The following CSMD3 variants were observed in gnomAD, a reference collection of about 807,000 sequenced individuals.
CSMD3 encodes the protein CUB and Sushi multiple domains 3.
In CSMD3, 177 loss-of-function variants were observed where a neutral mutation model predicts 435.2. That is an observed-to-expected ratio of 0.41 (90% CI 0.36 to 0.46). The LOEUF (loss-of-function observed/expected upper bound fraction) is 0.46. Ranked by LOEUF, CSMD3 falls within the 20% of genes least tolerant of loss-of-function variation. The pLI, the probability that CSMD3 is intolerant of heterozygous loss-of-function variation, is 0.34. For synonymous variants in CSMD3, 1,656 were observed against 1,520.5 expected (o/e 1.09, Z -2.07); for missense variants, 4,265 against 4,504.6 (o/e 0.95, Z 1.52).
intron 1 of CSMD3, among the ~76,000 whole-genome samples, chr8:113,427,615 G>A (rs2094643597): frequency 6.6e-6 from 1 of 151,484 alleles, no homozygotes; most frequent in African/African-American, 2.4e-5. Context: ...CCTCTTTTAT[G>A]TGAAGATACA....
chr8:113,023,223 A>AG (rs1182457948), intron 5 of CSMD3, among the ~76,000 whole-genome samples: 1 of 151,964 alleles, frequency 6.6e-6, no homozygotes, highest in Non-Finnish European at 1.5e-5. Context: ...TTGCTCTGAC[A>AG]TCTACTTTTT....
rs76263987 is a variant in CSMD3, at chr8:113,300,698, G to A, written c.401+13873C>T. 9.0e-3 allele frequency among the ~76,000 whole-genome samples: 1,374 copies of A among 152,106 alleles called. 15 individuals carry two copies. The highest frequency in any genetic ancestry group is 0.032 in the African/African-American group (1,323 of 41,478). ...ACTGGGAACTACTAGATAGGGGAAG[G>A]AGGGTGGGAATATAGGCTGAAAAAC... On this transcript the variant is annotated intron_variant, in intron 2 of 70. Transcript: ENST00000297405.
chr8:112,997,834 A>T (rs1321356271), intron 6 of CSMD3, among the ~76,000 whole-genome samples: 1 of 145,408 alleles, frequency 6.9e-6, no homozygotes. Flanking sequence ...TAATTAAAAT[A>T]TACGTATGTA....
intron 13 of CSMD3, among the ~76,000 whole-genome samples, chr8:112,732,658 C>A (rs1452130871): frequency 6.7e-6 from 1 of 148,272 alleles, no homozygotes; most frequent in Non-Finnish European, 1.5e-5. Context: ...CAAGATCATG[C>A]CACTCCACTC....
chr8:113,292,923 AT>A (rs1221555835), intron 2 of CSMD3, among the ~76,000 whole-genome samples: 19 of 151,742 alleles, frequency 1.3e-4, no homozygotes, highest in Non-Finnish European at 1.2e-4. Flanking sequence ...ATGAAAAAAA[AT>A]TTTGCTAAAT....
chr8:112,332,869 T>C (rs1464492176), intron 45 of CSMD3, among the ~76,000 whole-genome samples: 1 of 152,176 alleles, frequency 6.6e-6, no homozygotes, highest in Non-Finnish European at 1.5e-5. Flanking sequence ...TTATCTCCAA[T>C]TCTCAAAACG....
chr8:112,537,957 A>AT (rs1192072204), intron 27 of CSMD3, among the ~76,000 whole-genome samples: 1 of 152,128 alleles, frequency 6.6e-6, no homozygotes, highest in Non-Finnish European at 1.5e-5. Flanking sequence ...ATACTAGCAA[A>AT]TTGAACACAA....
chr8:113,419,598 T>C (rs1264619872), intron 1 of CSMD3, among the ~76,000 whole-genome samples: 1 of 152,078 alleles, frequency 6.6e-6, no homozygotes, highest in Non-Finnish European at 1.5e-5. Flanking sequence ...GAGTGCAGCT[T>C]TTCCTCATGC....
In CSMD3 at chr8:112,224,873, T is replaced by C; in HGVS notation, c.11022A>G (p.Gln3674=). Residue 3674 remains glutamine (Q), a synonymous_variant, in exon 71 of 71, where the codon CAA becomes CAG. Transcript: ENST00000297405. ...GCSVHENNNG[Q]AAFENPMYDT... ...CATACATGGGATTTTCAAAAGCTGC[T>C]TGGCCATTGTTATTTTCATGAACTG... 1 of 1,614,122 alleles carries C rather than the reference T, an allele frequency of 6.2e-7. No homozygotes were observed. The highest frequency in any genetic ancestry group is 1.1e-5 in the South Asian group (1 of 91,090).
At chr8:112,948,330 A>C (rs918048441) in intron 8 of CSMD3, among the ~76,000 whole-genome samples, 1 of 152,044 alleles carries the variant, frequency 6.6e-6, no homozygotes, top group Non-Finnish European at 1.5e-5. Flanking sequence ...AAGTTCTAAC[A>C]CTTCTTATCT....
At chr8:113,020,176 A>C (rs2131178043) in intron 5 of CSMD3, among the ~76,000 whole-genome samples, 1 of 150,272 alleles carries the variant, frequency 6.7e-6, no homozygotes, top group South Asian at 2.1e-4. Flanking sequence ...TCTCAAAAAA[A>C]AAAAAAAAAA....
At chr8:113,079,093 T>C (rs1272283636) in intron 5 of CSMD3, among the ~76,000 whole-genome samples, 4 of 152,294 alleles carry the variant, frequency 2.6e-5, no homozygotes, top group South Asian at 4.1e-4. Context: ...TATATTTGAA[T>C]ACATTCTTTT....
At chr8:112,975,809 T>A in intron 7 of CSMD3, 28 bp downstream of exon 7, 1 of 1,611,986 alleles carries the variant, frequency 6.2e-7, no homozygotes. Context: ...TGTAACTAAA[T>A]GGGCACAAGT....
Position 112,556,887 on chromosome 8 carries a change from G to A in CSMD3, c.4110C>T (p.Gly1370=), listed in dbSNP as rs2131225606. Residue 1370 remains glycine (G), a synonymous_variant, in exon 25 of 71, where the codon GGC becomes GGT. Transcript: ENST00000297405. ...AAATGATGGTGCTACCAGCAAAGTG[G>A]CCTTGGTCACTGATCTTGTATCCAA... is the stretch of plus-strand genomic sequence containing the variant. The part of the protein sequence containing the change: ...PQFGYKISDQ[G]HFAGSTIIYG... The A allele has an allele frequency of 1.2e-6, 2 of 1,611,174 alleles. No homozygotes were observed.
chr8:112,534,857 G>T (rs1046269996), intron 27 of CSMD3, among the ~76,000 whole-genome samples: 2 of 152,070 alleles, frequency 1.3e-5, no homozygotes, highest in East Asian at 3.9e-4. Flanking sequence ...TCATCCCTGG[G>T]ATGCAAGGCT....
intron 10 of CSMD3, among the ~76,000 whole-genome samples, chr8:112,862,079 C>T (rs1462858538): frequency 6.6e-6 from 1 of 151,944 alleles, no homozygotes; most frequent in African/African-American, 2.4e-5. Flanking sequence ...CAGTGAAAAA[C>T]TGTCTTCTAT....
intron 5 of CSMD3, among the ~76,000 whole-genome samples, chr8:113,085,399 C>T (rs915516441): frequency 3.3e-5 from 5 of 152,074 alleles, no homozygotes; most frequent in Non-Finnish European, 7.4e-5. Context: ...ACTAAAACTA[C>T]CATATGATCC....
chr8:113,185,851 T>TTCCTACATA (rs1244254798), intron 3 of CSMD3, among the ~76,000 whole-genome samples: 40 of 152,112 alleles, frequency 2.6e-4, no homozygotes, highest in African/African-American at 9.2e-4. Flanking sequence ...CCATAATCAG[T>TTCCTACATA]GTCTATTCCT....
At chr8:113,419,222 G>GT (rs2094597989) in intron 1 of CSMD3, among the ~76,000 whole-genome samples, 1 of 149,076 alleles carries the variant, frequency 6.7e-6, no homozygotes, top group Non-Finnish European at 1.5e-5. Context: ...GGATTCAATT[G>GT]ATTCTCCTGC....
Sources: allele counts gnomAD v4.1 joint callset (sites outside exome capture counted in the v4.1 genomes callset), GRCh38; gene constraint gnomAD v4.1.1; transcripts MANE v1.5; gene names NCBI Gene and HGNC (gene_info 2026-07-23, HGNC 2026-07-21).